MIPOL1: variants seen among roughly 807,000 people sequenced by gnomAD.
MIPOL1 encodes mirror-image polydactyly gene 1 protein.
Under a neutral mutation model 60.9 loss-of-function variants are expected in MIPOL1, and 57 were observed. That is an observed-to-expected ratio of 0.94 (90% CI 0.76 to 1.17). The LOEUF is 1.17. Ranked by LOEUF, MIPOL1 falls within the 50% of genes most tolerant of loss-of-function variation. The pLI, the probability that MIPOL1 is intolerant of heterozygous loss-of-function variation, is 0.00. For missense variants in MIPOL1, 551 were observed against 511.6 expected, an observed-to-expected ratio of 1.08 and a Z score of -0.74; for synonymous variants, 179 against 168.8, an observed-to-expected ratio of 1.06 and a Z score of -0.47.
At chr14:37,408,914 G>T (rs1026083825) in intron 10 of MIPOL1, among the ~76,000 whole-genome samples, 1 of 152,144 alleles carries the variant, frequency 6.6e-6, no homozygotes, top group Non-Finnish European at 1.5e-5. Flanking sequence ...ACCAAAAAAT[G>T]AGAGTTGAAC....
At chr14:37,294,656 T>C (rs1195171560) in intron 7 of MIPOL1, among the ~76,000 whole-genome samples, 2 of 152,014 alleles carry the variant, frequency 1.3e-5, no homozygotes, top group Non-Finnish European at 2.9e-5. Flanking sequence ...AACTACGTGA[T>C]GAATGCACAA....
At chr14:37,333,549 G>T (rs113294068) in intron 9 of MIPOL1, among the ~76,000 whole-genome samples, 2 of 142,906 alleles carry the variant, frequency 1.4e-5, no homozygotes, top group Non-Finnish European at 3.2e-5. Context: ...AAAGTGAAAC[G>T]TGGAAATATA....
intron 6 of MIPOL1, among the ~76,000 whole-genome samples, chr14:37,284,175 GC>G (rs1272126847): frequency 6.6e-6 from 1 of 151,960 alleles, no homozygotes; most frequent in Non-Finnish European, 1.5e-5. Flanking sequence ...TATCAACAGT[GC>G]CCCCTGCTCT....
At chr14:37,295,059 G>A (rs1342465844) in intron 7 of MIPOL1, among the ~76,000 whole-genome samples, 1 of 152,112 alleles carries the variant, frequency 6.6e-6, no homozygotes, top group Non-Finnish European at 1.5e-5. Flanking sequence ...AGAGAGAAAG[G>A]TTGGGTTACC....
At chr14:37,508,269 T>G (rs1248011884) in intron 12 of MIPOL1, among the ~76,000 whole-genome samples, 1 of 152,174 alleles carries the variant, frequency 6.6e-6, no homozygotes, top group Non-Finnish European at 1.5e-5. Flanking sequence ...ACGAAATTTC[T>G]TAAATAACTG....
At chr14:37,276,185 G>A (rs951456510) in intron 6 of MIPOL1, 2 of 150,956 alleles carry the variant, frequency 1.3e-5, no homozygotes, top group Non-Finnish European at 3.0e-5. Context: ...TAGCTTACTT[G>A]TACTGATGAT....
At chr14:37,451,561 G>A (rs2153575056) in intron 11 of MIPOL1, among the ~76,000 whole-genome samples, 1 of 150,342 alleles carries the variant, frequency 6.7e-6, no homozygotes, top group Non-Finnish European at 1.5e-5. Context: ...TTTGTAGATG[G>A]TGATTCTTGT....
At chr14:37,372,411 T>G (rs1011140018) in intron 10 of MIPOL1, among the ~76,000 whole-genome samples, 2 of 152,230 alleles carry the variant, frequency 1.3e-5, no homozygotes, top group Non-Finnish European at 2.9e-5. Context: ...ATTAGATTTT[T>G]GGTGATCATT....
At chr14:37,230,846 GATA>G (rs1202046670) in intron 1 of MIPOL1, among the ~76,000 whole-genome samples, 3 of 152,110 alleles carry the variant, frequency 2.0e-5, no homozygotes, top group Non-Finnish European at 1.5e-5. Context: ...CAGCCGATGA[GATA>G]ATAATATTAA....
chr14:37,360,821 A>G (rs2092188188), intron 9 of MIPOL1, among the ~76,000 whole-genome samples: 1 of 151,836 alleles, frequency 6.6e-6, no homozygotes, highest in African/African-American at 2.4e-5. Context: ...TATTTCTTTC[A>G]GTTCTGCTCT....
chr14:37,484,524 G>A (rs1022181686), intron 11 of MIPOL1, among the ~76,000 whole-genome samples: 4 of 151,926 alleles, frequency 2.6e-5, no homozygotes, highest in African/African-American at 9.7e-5. Flanking sequence ...TTTTAGTAGA[G>A]ATGAGGTTTC....
intron 11 of MIPOL1, among the ~76,000 whole-genome samples, chr14:37,434,108 ACT>A (rs1023673245): frequency 1.3e-5 from 2 of 152,176 alleles, no homozygotes; most frequent in Non-Finnish European, 2.9e-5. Context: ...GAATCACCAC[ACT>A]GTTTTCCAAA....
intron 11 of MIPOL1, among the ~76,000 whole-genome samples, chr14:37,446,951 C>T (rs1337230724): frequency 6.6e-6 from 1 of 151,876 alleles, no homozygotes; most frequent in African/African-American, 2.4e-5. Context: ...GGAGGGATAG[C>T]ATTAGGAGAT....
intron 11 of MIPOL1, among the ~76,000 whole-genome samples, chr14:37,460,056 A>G (rs1167375902): frequency 1.3e-5 from 2 of 151,032 alleles, no homozygotes; most frequent in African/African-American, 2.4e-5. Flanking sequence ...TCCAGCCTGG[A>G]TGACAGCAAG....
intron 10 of MIPOL1, among the ~76,000 whole-genome samples, chr14:37,402,976 T>G (rs1032727673): frequency 1.3e-5 from 2 of 152,186 alleles, no homozygotes; most frequent in African/African-American, 4.8e-5. Flanking sequence ...CCACAACCTG[T>G]TCGTTTCCAC....
intron 6 of MIPOL1, among the ~76,000 whole-genome samples, chr14:37,283,042 T>A (rs1389825893): frequency 6.9e-6 from 1 of 144,306 alleles, no homozygotes; most frequent in Non-Finnish European, 1.5e-5. Flanking sequence ...TGCTGTTTTT[T>A]TGTTTTTGAT....
At chr14:37,476,605 C>T (rs2153594672) in intron 11 of MIPOL1, among the ~76,000 whole-genome samples, 1 of 152,094 alleles carries the variant, frequency 6.6e-6, no homozygotes, top group South Asian at 2.1e-4. Context: ...ATAGCTCCTC[C>T]CTATTTCTAG....
At chr14:37,368,871 A>G (rs2092558763) in intron 9 of MIPOL1, among the ~76,000 whole-genome samples, 1 of 152,014 alleles carries the variant, frequency 6.6e-6, no homozygotes, top group Non-Finnish European at 1.5e-5. Flanking sequence ...ATTCTCTTAT[A>G]TTCTTTACTT....
At chr14:37,217,512 G>T (rs142626490) in intron 1 of MIPOL1, among the ~76,000 whole-genome samples, 2 of 152,092 alleles carry the variant, frequency 1.3e-5, no homozygotes, top group Non-Finnish European at 2.9e-5. Context: ...TACTAAAACC[G>T]AGTTCAGCAA....
Sources: allele counts gnomAD v4.1 joint callset (sites outside exome capture counted in the v4.1 genomes callset), GRCh38; gene constraint gnomAD v4.1.1; transcripts MANE v1.5; gene names NCBI Gene and HGNC (gene_info 2026-07-23, HGNC 2026-07-21).